TRIM71: variants seen among roughly 807,000 people sequenced by gnomAD.
TRIM71 encodes the protein tripartite motif containing 71.
In TRIM71, 9 loss-of-function variants were observed where a neutral mutation model predicts 61.2. The observed-to-expected ratio is 0.15, with a 90% CI of 0.09 to 0.26. The LOEUF (loss-of-function observed/expected upper bound fraction) is 0.26, where lower values mean the gene tolerates loss of function less well. Among genes scored for constraint, TRIM71 ranks in the 10% least tolerant of loss-of-function variants. The pLI is 1.00. For missense variants in TRIM71, 998 were observed against 1,238.7 expected, an observed-to-expected ratio of 0.81 and a Z score of 2.92; for synonymous variants, 645 against 553.2, an observed-to-expected ratio of 1.17 and a Z score of -2.33.
chr3:32,877,702 T>C (rs565641227), intron 2 of TRIM71, among the ~76,000 whole-genome samples: 2 of 152,244 alleles, frequency 1.3e-5, no homozygotes, highest in East Asian at 3.9e-4. Flanking sequence ...CCCTTCAAAT[T>C]TTCTCATGAG....
At chr3:32,823,616 T>G (rs1575339288) in intron 1 of TRIM71, among the ~76,000 whole-genome samples, 1 of 148,182 alleles carries the variant, frequency 6.7e-6, no homozygotes, top group African/African-American at 2.5e-5. Flanking sequence ...ACAACGGTAT[T>G]TGTTCTTTAT....
chr3:32,891,163 C>A lies in TRIM71; in HGVS notation c.1959C>A (p.Phe653Leu). ...CCCTGGGCTCCCGGCCTGGGCAGTT[C>A]GACCGACCAGCCGGCGTGGCCTGTG... is the stretch of plus-strand genomic sequence containing the variant. The part of the protein sequence containing the change: ...FGTLGSRPGQ[F>L]DRPAGVACDA... The change falls in exon 4 of 4, where the codon TTC becomes TTA. Residue 653 changes from phenylalanine (F) to leucine (L), a missense_variant. Physicochemically the swap from Phe to Leu is conservative, Grantham distance 22. This residue lies in a region of TRIM71 where 83 missense variants were observed against 202.7 expected (regional missense o/e 0.41). Coordinates refer to ENST00000383763, the MANE Select transcript of TRIM71 (RefSeq NM_001039111.3). The surrounding 1 kb of genome is among the most constrained non-coding windows in gnomAD (Gnocchi z 8.2). 1 of 1,613,294 alleles carries A rather than the reference C, an allele frequency of 6.2e-7. No individual in the cohort carries two copies. Among genetic ancestry groups the A allele is most frequent in the South Asian group, 1.1e-5 (1 of 91,068 alleles).
intron 1 of TRIM71, among the ~76,000 whole-genome samples, chr3:32,851,900 A>G (rs936595198): frequency 2.0e-5 from 3 of 152,206 alleles, no homozygotes; most frequent in African/African-American, 7.2e-5. Context: ...TCAAAATTGC[A>G]AAAGAGAGAA....
At position 32,818,328 on chromosome 3, in the gene TRIM71, C is replaced by G. The variant is rs1284064696; in HGVS notation, c.248C>G (p.Ala83Gly). ...CTGCCGGCGGCGGGCGGCGGCGCGG[C>G]GGGAGAGCCGCTCAAGCTGCGCTGC... ...HRLPAAGGGAAGEPLKLRCPV... is the reference protein window; with the variant it reads ...HRLPAAGGGAGGEPLKLRCPV... Residue 83 changes from alanine (A) to glycine (G), a missense_variant, in exon 1 of 4, where the codon GCG (alanine) becomes GGG (glycine). Coordinates refer to ENST00000383763, the MANE Select transcript of TRIM71 (RefSeq NM_001039111.3). 2 of 1,443,812 alleles carry G rather than the reference C, an allele frequency of 1.4e-6. No individual in the cohort carries two copies. The highest frequency in any genetic ancestry group is 1.8e-6 in the Non-Finnish European group (2 of 1,103,198). 89.4% of individuals were successfully genotyped at this position (1,443,812 alleles called of 1,614,324 possible). A position where few individuals can be genotyped will look rare whatever the true frequency, so the allele number is the denominator to read the frequency against.
intron 1 of TRIM71, among the ~76,000 whole-genome samples, chr3:32,859,055 C>G (rs868157583): frequency 6.6e-6 from 1 of 152,070 alleles, no homozygotes; most frequent in African/African-American, 2.4e-5. Flanking sequence ...CTCCTGGCTT[C>G]GTGACCTGCT....
rs992279955 is a variant in TRIM71, at chr3:32,897,435, A to C, written c.*5624A>C. 2 of 152,166 alleles carry C rather than the reference A, an allele frequency of 1.3e-5. No homozygotes were observed. The highest frequency in any genetic ancestry group is 2.9e-5 in the Non-Finnish European group (2 of 68,026). The allele number at this position is 152,166 out of a possible 1,614,324, so 9.4% of individuals were successfully genotyped here. On this transcript the variant is annotated 3_prime_UTR_variant, in exon 4 of 4. Transcript: ENST00000383763. ...TGCCGTGGTAATGTGAATCCCATCAATGCAGTAGATGGGTGGGGAAATGAA... is the reference window on the plus strand; with the variant it reads ...TGCCGTGGTAATGTGAATCCCATCACTGCAGTAGATGGGTGGGGAAATGAA...
chr3:32,878,381 G>C (rs545252838), intron 2 of TRIM71, among the ~76,000 whole-genome samples: 1 of 152,188 alleles, frequency 6.6e-6, no homozygotes, highest in Non-Finnish European at 1.5e-5. Flanking sequence ...AGCCCGAGGC[G>C]GGTGGATCAC....
At chr3:32,858,694 G>T (rs1003895294) in intron 1 of TRIM71, among the ~76,000 whole-genome samples, 1 of 152,172 alleles carries the variant, frequency 6.6e-6, no homozygotes, top group African/African-American at 2.4e-5. Flanking sequence ...CAATTTGGGG[G>T]AAGGACAGAG....
intron 1 of TRIM71, among the ~76,000 whole-genome samples, chr3:32,832,939 G>A (rs1696289928): frequency 6.6e-6 from 1 of 151,910 alleles, no homozygotes; most frequent in Admixed American, 6.6e-5. Context: ...TTTGGATGCC[G>A]AGGCAGGTGG....
intron 1 of TRIM71, among the ~76,000 whole-genome samples, chr3:32,867,411 T>C (rs1018769749): frequency 3.3e-5 from 5 of 152,200 alleles, no homozygotes; most frequent in African/African-American, 1.2e-4. Flanking sequence ...TTTAAAATTA[T>C]TTTATTGACA....
At chr3:32,819,233 G>A (rs1248385853) in intron 1 of TRIM71, among the ~76,000 whole-genome samples, 1 of 132,628 alleles carries the variant, frequency 7.5e-6, no homozygotes, top group Admixed American at 8.1e-5. Context: ...GGCGTGAGTT[G>A]GGAGGAGATA....
chr3:32,891,191 G>A lies in TRIM71; in HGVS notation c.1987G>A (p.Ala663Thr), dbSNP rs1310080218. The change falls in exon 4 of 4, where the codon GCC (alanine) becomes ACC (threonine). Residue 663 changes from alanine (A) to threonine (T), a missense_variant. Coordinates refer to ENST00000383763, the MANE Select transcript of TRIM71 (RefSeq NM_001039111.3). The surrounding 1 kb of genome is among the most constrained non-coding windows in gnomAD (Gnocchi z 8.2). ...FDRPAGVACDASRRIVVADKD... is the reference protein window; with the variant it reads ...FDRPAGVACDTSRRIVVADKD... ...CCGACCAGCCGGCGTGGCCTGTGACGCCTCACGCAGGATCGTGGTGGCTGA... is the reference window on the plus strand; with the variant it reads ...CCGACCAGCCGGCGTGGCCTGTGACACCTCACGCAGGATCGTGGTGGCTGA... The A allele has an allele frequency of 1.1e-5, 17 of 1,613,396 alleles. No homozygotes were observed. The highest frequency in any genetic ancestry group is 1.6e-4 in the Middle Eastern group (1 of 6,084).
chr3:32,844,392 C>G (rs1575346632), intron 1 of TRIM71, among the ~76,000 whole-genome samples: 1 of 152,298 alleles, frequency 6.6e-6, no homozygotes, highest in East Asian at 1.9e-4. Flanking sequence ...TCAGTCATAA[C>G]TTCACTTTTA....
chr3:32,847,190 A>ATTT (rs35654776), intron 1 of TRIM71, among the ~76,000 whole-genome samples: 59 of 107,096 alleles, frequency 5.5e-4, no homozygotes, highest in African/African-American at 1.6e-3. Context: ...AGGTCCAGCA[A>ATTT]TTTTTTTTTT....
intron 1 of TRIM71, among the ~76,000 whole-genome samples, chr3:32,831,264 G>A (rs1696267634): frequency 6.6e-6 from 1 of 152,072 alleles, no homozygotes; most frequent in Non-Finnish European, 1.5e-5. Context: ...TTAAGTCCTA[G>A]TGTTGCCCTA....
At chr3:32,875,572 C>T (rs1228161785) in intron 2 of TRIM71, among the ~76,000 whole-genome samples, 1 of 152,214 alleles carries the variant, frequency 6.6e-6, no homozygotes, top group Non-Finnish European at 1.5e-5. Flanking sequence ...GGTTCAGTGG[C>T]TCACGCCTGT....
chr3:32,819,011 A>G, intron 1 of TRIM71, 79 bp downstream of exon 1: 1 of 1,498,098 alleles, frequency 6.7e-7, no homozygotes, highest in African/African-American at 1.4e-5. Context: ...CCGGTCCCAC[A>G]GCGAGGGGAG....
Position 32,897,153 on chromosome 3 carries a change from T to G in TRIM71, c.*5342T>G, listed in dbSNP as rs1452545560. On this transcript the variant is annotated 3_prime_UTR_variant, in exon 4 of 4. Coordinates refer to ENST00000383763, the MANE Select transcript of TRIM71 (RefSeq NM_001039111.3). The stretch of plus-strand genomic sequence containing the variant: ...ATGCCGGGTCAGCAAAATGCTTTAA[T>G]TTTTAACTGCAGAACATGTGACTCG... The G allele has an allele frequency of 6.6e-6, 1 of 152,144 alleles. No homozygotes were observed. The highest frequency in any genetic ancestry group is 1.5e-5 in the Non-Finnish European group (1 of 68,014). 9.4% of individuals were successfully genotyped at this position (152,144 alleles called of 1,614,324 possible). A position where few individuals can be genotyped will look rare whatever the true frequency, so the allele number is the denominator to read the frequency against.
chr3:32,863,130 A>G (rs998100673), intron 1 of TRIM71, among the ~76,000 whole-genome samples: 1 of 151,456 alleles, frequency 6.6e-6, no homozygotes, highest in African/African-American at 2.4e-5. Context: ...CACCCCCTCA[A>G]CAACTTAGGT....
Sources: allele counts gnomAD v4.1 joint callset (sites outside exome capture counted in the v4.1 genomes callset), GRCh38; gene constraint gnomAD v4.1.1; regional missense constraint gnomAD v4.1.1; non-coding constraint Gnocchi (gnomAD v3.1); transcripts MANE v1.5; gene names NCBI Gene and HGNC (gene_info 2026-07-23, HGNC 2026-07-21).